Variants in SGSM1 observed in about 807,000 individuals in gnomAD.
SGSM1 encodes the protein RUN and TBC1 domain containing 2.
SGSM1 carries 73 observed loss-of-function variants against 133.8 expected under a neutral mutation model. The observed-to-expected ratio is 0.55, with a 90% CI of 0.45 to 0.66. The LOEUF (loss-of-function observed/expected upper bound fraction) is 0.66. Among genes scored for constraint, SGSM1 ranks in the 30% least tolerant of loss-of-function variants. The pLI is 0.00. For missense variants in SGSM1, 1,213 were observed against 1,448.1 expected (o/e 0.84, Z 2.64); for synonymous variants, 563 against 573.0 (o/e 0.98, Z 0.25).
chr22:24,886,880 A>AT (rs200684093), intron 16 of SGSM1, among the ~76,000 whole-genome samples, 152 bp downstream of exon 16: 2,140 of 152,348 alleles, frequency 0.014, 45 homozygotes, highest in African/African-American at 0.048. Flanking sequence ...CAATAGAAAC[A>AT]TAACACAAGC....
intron 2 of SGSM1, among the ~76,000 whole-genome samples, chr22:24,842,013 C>G (rs571910436): frequency 6.6e-6 from 1 of 152,182 alleles, no homozygotes; most frequent in African/African-American, 2.4e-5. Context: ...TGGACTCCCC[C>G]ACCCCCAATG....
chr22:24,850,341 T>A lies in SGSM1; in HGVS notation c.364T>A (p.Ser122Thr), dbSNP rs370429389. Reference sequence around the variant, plus strand: ...GAAGCTGCCGAAGCTGCCCAACTTGTCCCCACTTGCCATCAAGCATCTGTG... The same window carrying A: ...GAAGCTGCCGAAGCTGCCCAACTTGACCCCACTTGCCATCAAGCATCTGTG... ...VRKLPKLPNL[S>T]PLAIKHLWIR... The change falls in exon 5 of 25, where the codon TCC becomes ACC. Residue 122 changes from serine to threonine, a missense_variant. Ser to Thr is a moderately conservative substitution (Grantham distance 58, BLOSUM62 1). Coordinates refer to ENST00000400358, the MANE Select transcript of SGSM1 (RefSeq NM_001098497.3). The A allele has an allele frequency of 1.2e-6, 2 of 1,613,752 alleles. No individual in the cohort carries two copies. Among genetic ancestry groups the A allele is most frequent in the African/African-American group, 2.7e-5 (2 of 74,908 alleles).
At chr22:24,840,915 A>G (rs1344059316) in intron 2 of SGSM1, among the ~76,000 whole-genome samples, 1 of 151,728 alleles carries the variant, frequency 6.6e-6, no homozygotes, top group Non-Finnish European at 1.5e-5. Flanking sequence ...CAGTGGCGCT[A>G]TCTCGGCTCA....
chr22:24,846,931 C>G (rs1203718232), intron 3 of SGSM1, among the ~76,000 whole-genome samples: 2 of 151,944 alleles, frequency 1.3e-5, no homozygotes, highest in Non-Finnish European at 2.9e-5. Context: ...AGCTCCACCT[C>G]CCAGGTTCAT....
chr22:24,863,557 A>G (rs868171132), intron 9 of SGSM1, among the ~76,000 whole-genome samples: 1 of 151,990 alleles, frequency 6.6e-6, no homozygotes, highest in Middle Eastern at 3.2e-3. Context: ...ACTCCTGTCT[A>G]TCGTTGTTAT....
intron 2 of SGSM1, among the ~76,000 whole-genome samples, chr22:24,833,349 A>G (rs1929229662): frequency 6.6e-6 from 1 of 151,944 alleles, no homozygotes; most frequent in South Asian, 2.1e-4. Context: ...GCACATTCTG[A>G]GATAGTAGTG....
Position 24,898,416 on chromosome 22 carries a change from G to A in SGSM1, c.2467G>A (p.Glu823Lys), listed in dbSNP as rs1482375363. Residue 823 changes from glutamate (E) to lysine (K), a missense_variant, in exon 19 of 25, where the codon GAG (glutamate) becomes AAG (lysine). Transcript: ENST00000400358. Reference sequence around the variant, plus strand: ...GGAGGGCTGGAGGAGCAGCGAGACAGAGAAACATGGCCAGGCGGACAGTGA... The same window carrying A: ...GGAGGGCTGGAGGAGCAGCGAGACAAAGAAACATGGCCAGGCGGACAGTGA... Reference protein sequence around the residue: ...VMEGWRSSETEKHGQADSEDN... With the variant: ...VMEGWRSSETKKHGQADSEDN... 1 of 1,613,912 alleles carries A rather than the reference G, an allele frequency of 6.2e-7. No homozygotes were observed.
At chr22:24,861,837 C>A (rs955957528) in intron 9 of SGSM1, among the ~76,000 whole-genome samples, 4 of 150,084 alleles carry the variant, frequency 2.7e-5, no homozygotes, top group African/African-American at 9.8e-5. Context: ...TTTTTAATTT[C>A]TATTTTATTT....
chr22:24,806,342 C>T lies in SGSM1; in HGVS notation c.17C>T (p.Ala6Val). The change falls in exon 1 of 25, where the codon GCG becomes GTG. Residue 6 changes from alanine to valine, a missense_variant and splice_region_variant. By Grantham distance (64) the Ala-to-Val change is moderately conservative. Transcript: ENST00000400358. ...CTCGGAGCCATGGCCTCGGCCCCCG[C>T]GGGTAAGAGGCCGCTGGACACGAGG... The part of the protein sequence containing the change: MASAP[A>V]EAETRQRLLR... 1.4e-6 allele frequency: 2 copies of T among 1,477,162 alleles called. No homozygotes were observed. Among genetic ancestry groups the T allele is most frequent in the African/African-American group, 1.5e-5 (1 of 67,760 alleles). 91.5% of individuals were successfully genotyped at this position (1,477,162 alleles called of 1,614,324 possible).
chr22:24,897,401 G>C (rs1322584620), intron 18 of SGSM1, among the ~76,000 whole-genome samples: 1 of 152,170 alleles, frequency 6.6e-6, no homozygotes, highest in Non-Finnish European at 1.5e-5. Flanking sequence ...ACAAAACAGA[G>C]TCAACTGCAG....
intron 2 of SGSM1, among the ~76,000 whole-genome samples, chr22:24,837,559 C>A (rs1167699128): frequency 7.0e-6 from 1 of 143,274 alleles, no homozygotes; most frequent in Admixed American, 7.1e-5. Context: ...CTTCTCTAAA[C>A]TCCCCCGGGG....
At chr22:24,810,100 T>G (rs1237714959) in intron 2 of SGSM1, among the ~76,000 whole-genome samples, 1 of 151,926 alleles carries the variant, frequency 6.6e-6, no homozygotes, top group Non-Finnish European at 1.5e-5. Flanking sequence ...AGGCGGAACA[T>G]GTGGTCTTAT....
At position 24,847,015 on chromosome 22, in the gene SGSM1, T is replaced by C. The variant is rs531957375; in HGVS notation, c.140-619T>C. ...GCCCCCACACCTGGCTAATTTCTTA[T>C]ATTTTTAGTAGAGGCGGGGTTTCAC... On this transcript the variant is annotated intron_variant, in intron 3 of 24. Coordinates refer to ENST00000400358, the MANE Select transcript of SGSM1 (RefSeq NM_001098497.3). Among the ~76,000 whole-genome samples the C allele has an allele frequency of 2.0e-5, 3 of 152,114 alleles. No homozygotes were observed. The South Asian group carries it at 6.2e-4, about 32-fold the overall frequency.
rs1190496040 is a variant in SGSM1, at chr22:24,925,293, G to T, written c.*1019G>T. 2 of 151,806 alleles carry T rather than the reference G, an allele frequency of 1.3e-5. No homozygotes were observed. The highest frequency in any genetic ancestry group is 4.8e-5 in the African/African-American group (2 of 41,268). 9.4% of individuals were successfully genotyped at this position (151,806 alleles called of 1,614,324 possible). A position where few individuals can be genotyped will look rare whatever the true frequency, so the allele number is the denominator to read the frequency against. ...AATCACTTGAACCTGGGAGGTGGAGGTTGCAGTGAGTTGAGATCACGCCAC... is the reference window on the plus strand; with the variant it reads ...AATCACTTGAACCTGGGAGGTGGAGTTTGCAGTGAGTTGAGATCACGCCAC... On this transcript the variant is annotated 3_prime_UTR_variant, in exon 25 of 25. Transcript: ENST00000400358.
In SGSM1 at chr22:24,888,143, A is replaced by C. The variant is rs571046717; in HGVS notation, c.1770+1415A>C. ...TGGCAAATATTTCCTCCGAGTCTGT[A>C]ACTTTTCATCTTGTAAGCAGGGTTT... On this transcript the variant is annotated intron_variant, in intron 16 of 24. Transcript: ENST00000400358. Among the ~76,000 whole-genome samples the C allele has an allele frequency of 9.9e-5, 15 of 152,264 alleles. No individual in the cohort carries two copies. The South Asian group carries it at 2.9e-3, about 29-fold the overall frequency.
At chr22:24,871,906 T>C (rs1205441987) in intron 12 of SGSM1, among the ~76,000 whole-genome samples, 1 of 152,218 alleles carries the variant, frequency 6.6e-6, no homozygotes, top group Non-Finnish European at 1.5e-5. Context: ...CTGTAAGAGA[T>C]AAGAAGTTCT....
At chr22:24,901,997 GT>G in intron 20 of SGSM1, 40 bp downstream of exon 20, 1 of 1,436,380 alleles carries the variant, frequency 7.0e-7, no homozygotes, top group Non-Finnish European at 9.4e-7. Flanking sequence ...GATGGGGATG[GT>G]GGGTGGGTGG....
chr22:24,910,845 T>C (rs1205812792), intron 21 of SGSM1, among the ~76,000 whole-genome samples: 1 of 151,996 alleles, frequency 6.6e-6, no homozygotes, highest in African/African-American at 2.4e-5. Context: ...CACGGGAGGC[T>C]GCGGCAGGAG....
chr22:24,821,514 T>C (rs1392956963), intron 2 of SGSM1, among the ~76,000 whole-genome samples: 1 of 152,124 alleles, frequency 6.6e-6, no homozygotes, highest in Non-Finnish European at 1.5e-5. Context: ...AGTGTTCCCC[T>C]GAATGTCCCC....
Sources: allele counts gnomAD v4.1 joint callset (sites outside exome capture counted in the v4.1 genomes callset), GRCh38; gene constraint gnomAD v4.1.1; transcripts MANE v1.5; gene names NCBI Gene and HGNC (gene_info 2026-07-23, HGNC 2026-07-21).